Variants in THBS1 observed in about 807,000 individuals in gnomAD.
THBS1 encodes thrombospondin 1.
THBS1 carries 29 observed loss-of-function variants against 126.1 expected under a neutral mutation model. The observed-to-expected ratio is 0.23, with a 90% confidence interval of 0.17 to 0.31. The LOEUF (loss-of-function observed/expected upper bound fraction) is 0.31, where lower values mean the gene tolerates loss of function less well. Among genes scored for constraint, THBS1 ranks in the 10% least tolerant of loss-of-function variants. The pLI, the probability that THBS1 is intolerant of heterozygous loss-of-function variation, is 1.00. For synonymous variants in THBS1, 496 were observed against 577.8 expected, an observed-to-expected ratio of 0.86 and a Z score of 2.03; for missense variants, 1,198 against 1,545.2, an observed-to-expected ratio of 0.78 and a Z score of 3.77.
At chr15:39,581,595 G>A in intron 1 of THBS1, 1 of 423,394 alleles carries the variant, frequency 2.4e-6, no homozygotes, top group East Asian at 3.7e-5. Context: ...CAAATTGTTG[G>A]TCTTGCGCCC....
Position 39,589,446 on chromosome 15 carries a change from C to T in THBS1, c.1926+92C>T. The stretch of plus-strand genomic sequence containing the variant: ...GGGAGGAATGTAATTTCATACCCTT[C>T]ACCAAAAAAAAAAGGGCGAGGAGAT... On this transcript the variant is annotated intron_variant, in intron 12 of 21. Coordinates refer to ENST00000260356, the MANE Select transcript of THBS1 (RefSeq NM_003246.4). The surrounding 1 kb of genome is among the most constrained non-coding windows in gnomAD (Gnocchi z 4.7). 1 of 1,463,510 alleles carries T rather than the reference C, an allele frequency of 6.8e-7. No homozygotes were observed. The highest frequency in any genetic ancestry group is 9.2e-7 in the Non-Finnish European group (1 of 1,092,584). The allele number at this position is 1,463,510 out of a possible 1,614,324, so 90.7% of individuals were successfully genotyped here. A position where few individuals can be genotyped will look rare whatever the true frequency, so the allele number is the denominator to read the frequency against.
chr15:39,585,813 C>T lies in THBS1; in HGVS notation c.1120+250C>T, dbSNP rs111652442. On this transcript the variant is annotated intron_variant, in intron 7 of 21. Transcript: ENST00000260356. ...AAGATCTTGGTATAGCTCATTAATT[C>T]TGATTTTTTGCTTTGAGGAAAAGAG... Among the ~76,000 whole-genome samples the T allele has an allele frequency of 7.9e-4, 120 of 152,008 alleles. No individual in the cohort carries two copies. The Middle Eastern group carries it at 0.01, about 13-fold the overall frequency.
intron 6 of THBS1, among the ~76,000 whole-genome samples, chr15:39,585,179 GTTTGTTGGTTCCTCTGCTATAAA>G (rs1363296215): frequency 6.6e-6 from 1 of 152,188 alleles, no homozygotes; most frequent in African/African-American, 2.4e-5. Context: ...GACCCATGAT[GTTTGTTGGTTCCTCTGCTATAAA>G]TTCTTTGTAC....
rs3138595 is a variant in THBS1, at chr15:39,581,639, CCTCTCT to C, written c.-29-166_-29-161del. ...TTAAAACCAGCATCTCTTTCCTCCA[CCTCTCT>C]CTCTCTCTCTCTCTCTCTCTCTCAT... On this transcript the variant is annotated intron_variant, in intron 1 of 21. Coordinates refer to ENST00000260356, the MANE Select transcript of THBS1 (RefSeq NM_003246.4). 584 of 365,588 alleles carry C rather than the reference CCTCTCT, an allele frequency of 1.6e-3. 2 individuals carry two copies. The highest frequency in any genetic ancestry group is 7.0e-3 in the African/African-American group (257 of 36,518). The allele number at this position is 365,588 out of a possible 1,614,324, so 22.6% of individuals were successfully genotyped here. A position where few individuals can be genotyped will look rare whatever the true frequency, so the allele number is the denominator to read the frequency against.
At position 39,598,934 on chromosome 15, in the gene THBS1, A is replaced by C. The variant is rs1200262329; in HGVS notation, c.*3565A>C. 5 of 148,986 alleles carry C rather than the reference A, an allele frequency of 3.4e-5. No homozygotes were observed. Among genetic ancestry groups the C allele is most frequent in the Admixed American group, 6.7e-5 (1 of 14,958 alleles). The allele number at this position is 148,986 out of a possible 1,614,324, so 9.2% of individuals were successfully genotyped here. Reference sequence around the variant, plus strand: ...TCTTCTATAATTTCTTTTTCTTTTTATTTTTGAGATGAAGTCTTGCTCTGT... The same window carrying C: ...TCTTCTATAATTTCTTTTTCTTTTTCTTTTTGAGATGAAGTCTTGCTCTGT... On this transcript the variant is annotated 3_prime_UTR_variant, in exon 22 of 22. Transcript: ENST00000260356.
In THBS1 at chr15:39,593,308, T is replaced by G. The variant is rs1890366603; in HGVS notation, c.2995+81T>G. The G allele has an allele frequency of 1.9e-6, 3 of 1,611,240 alleles. No homozygotes were observed. The Admixed American group carries it at 5.0e-5, about 27-fold the overall frequency. On this transcript the variant is annotated intron_variant, in intron 18 of 21. Coordinates refer to ENST00000260356, the MANE Select transcript of THBS1 (RefSeq NM_003246.4). The surrounding 1 kb of genome is among the most constrained non-coding windows in gnomAD (Gnocchi z 5.9). ...ATATAAAACCTGGCAGTTGTACCTATCCCTGTGGGTGCTGAGGATGTCTAG... is the reference window on the plus strand; with the variant it reads ...ATATAAAACCTGGCAGTTGTACCTAGCCCTGTGGGTGCTGAGGATGTCTAG...
rs557143602 is a variant in THBS1, at chr15:39,582,461, C to T, written c.336C>T (p.His112=). 1.9e-6 allele frequency: 3 copies of T among 1,614,208 alleles called. No homozygotes were observed. Among genetic ancestry groups the T allele is most frequent in the East Asian group, 2.2e-5 (1 of 44,886 alleles). The change falls in exon 3 of 22, where the codon CAC becomes CAT. Residue 112 remains histidine, a synonymous_variant. Coordinates refer to ENST00000260356, the MANE Select transcript of THBS1 (RefSeq NM_003246.4). ...TGCTGGCCCTGGAGCGGAAAGACCACTCTGGCCAGGTCTTCAGCGTGGTGT... is the reference window on the plus strand; with the variant it reads ...TGCTGGCCCTGGAGCGGAAAGACCATTCTGGCCAGGTCTTCAGCGTGGTGT... ...GTLLALERKD[H]SGQVFSVVSN...
rs767002060 is a variant in THBS1 at position 39,595,726 on chromosome 15, A to C, written c.*357A>C. The C allele has an allele frequency of 5.2e-5, 26 of 501,544 alleles. No homozygotes were observed. The highest frequency in any genetic ancestry group is 6.0e-4 in the Middle Eastern group (2 of 3,326). 31.1% of individuals were successfully genotyped at this position (501,544 alleles called of 1,614,324 possible). On this transcript the variant is annotated 3_prime_UTR_variant, in exon 22 of 22. Transcript: ENST00000260356. The stretch of plus-strand genomic sequence containing the variant: ...GCCATCTCTGAGCAGTGGACTCAAA[A>C]GCATTTTCAGGCATGTCAGAGAAGG...
At chr15:39,590,871 C>T in intron 14 of THBS1, 1 of 538,958 alleles carries the variant, frequency 1.9e-6, no homozygotes, top group East Asian at 3.3e-5. Context: ...AATGCATAAA[C>T]AAATGCCACT....
chr15:39,591,147 T>C lies in THBS1; in HGVS notation c.2254-44T>C, dbSNP rs765003727. The C allele has an allele frequency of 6.9e-6, 11 of 1,598,008 alleles. No homozygotes were observed. The East Asian group carries it at 2.2e-4, about 33-fold the overall frequency. ...CACATGGTTTGAGGCTTGAGCTGTT[T>C]TCAAGGACAACATTGTTAAGTGCTC... is the stretch of plus-strand genomic sequence containing the variant. On this transcript the variant is annotated intron_variant, in intron 14 of 21. Transcript: ENST00000260356.
At position 39,593,749 on chromosome 15, in the gene THBS1, T is replaced by G. The variant is rs113351842; in HGVS notation, c.3267+81T>G. The G allele has an allele frequency of 6.5e-7, 1 of 1,548,466 alleles. No homozygotes were observed. On this transcript the variant is annotated intron_variant, in intron 19 of 21. Coordinates refer to ENST00000260356, the MANE Select transcript of THBS1 (RefSeq NM_003246.4). The surrounding 1 kb of genome is among the most constrained non-coding windows in gnomAD (Gnocchi z 5.9). ...GGGGATGCTGTGCTTTGACCAAGAC[T>G]CTGACCAGGGAGTCTTAGAAAGTTC...
At chr15:39,583,912 G>A (rs1009019543) in intron 4 of THBS1, 76 bp from the exon 5 acceptor site, 40 of 1,550,104 alleles carry the variant, frequency 2.6e-5, no homozygotes, top group East Asian at 2.6e-4. Flanking sequence ...CAAATGAAAC[G>A]TCTTCTACCA....
rs1419653849 is a variant in THBS1, at chr15:39,582,522, A to T, written c.397A>T (p.Thr133Ser). The change falls in exon 3 of 22, where the codon ACC (threonine) becomes TCC (serine). Residue 133 changes from threonine to serine, a missense_variant. Thr to Ser is a moderately conservative substitution (Grantham distance 58). Transcript: ENST00000260356. Reference sequence around the variant, plus strand: ...GGCGGGCACCCTGGACCTCAGCCTGACCGTCCAAGGAAAGCAGCACGTGGT... The same window carrying T: ...GGCGGGCACCCTGGACCTCAGCCTGTCCGTCCAAGGAAAGCAGCACGTGGT... ...GKAGTLDLSL[T>S]VQGKQHVVSV... 6.2e-7 allele frequency: 1 copy of T among 1,614,086 alleles called. No individual in the cohort carries two copies. Among genetic ancestry groups the T allele is most frequent in the Admixed American group, 1.7e-5 (1 of 60,026 alleles).
At chr15:39,587,317 G>T (rs369342745) in intron 7 of THBS1, 30 bp from the exon 8 acceptor site, 2 of 1,596,578 alleles carry the variant, frequency 1.3e-6, no homozygotes, top group Non-Finnish European at 1.7e-6. Context: ...TAATCATCAC[G>T]TACCTGATGA....
At chr15:39,586,909 C>G (rs1890218641) in intron 7 of THBS1, 1 of 156,250 alleles carries the variant, frequency 6.4e-6, no homozygotes, top group Non-Finnish European at 1.4e-5. Context: ...CACATCATGA[C>G]CTGGGATAAA....
chr15:39,583,838 T>C (rs748523025), intron 4 of THBS1, 146 bp downstream of exon 4: 12 of 1,181,546 alleles, frequency 1.0e-5, no homozygotes, highest in Non-Finnish European at 1.4e-5. Flanking sequence ...CCAAGGGGTA[T>C]TATACACACA....
chr15:39,581,733 T>C, intron 1 of THBS1, 96 bp from the exon 2 acceptor site: 1 of 688,300 alleles, frequency 1.5e-6, no homozygotes, highest in South Asian at 1.8e-5. Flanking sequence ...AGAGGGATGG[T>C]CCCGGCCCTG....
chr15:39,581,676 C>CTCTCTCTCTCTCTCTCT, intron 1 of THBS1, 153 bp from the exon 2 acceptor site: 1 of 539,694 alleles, frequency 1.9e-6, no homozygotes, highest in African/African-American at 1.9e-5. Context: ...CTCATGCTCT[C>CTCTCTCTCTCTCTCTCT]TGGAAAGTAA....
At position 39,598,582 on chromosome 15, in the gene THBS1, A is replaced by C. The variant is rs920725466; in HGVS notation, c.*3213A>C. ...GAAAATACCAAGATAAGACAGAAAAAGTGACTGGAAAGAGGAGCTTTTCTT... is the reference window on the plus strand; with the variant it reads ...GAAAATACCAAGATAAGACAGAAAACGTGACTGGAAAGAGGAGCTTTTCTT... On this transcript the variant is annotated 3_prime_UTR_variant, in exon 22 of 22. Coordinates refer to ENST00000260356, the MANE Select transcript of THBS1 (RefSeq NM_003246.4). 1.6e-4 allele frequency: 24 copies of C among 152,222 alleles called. No homozygotes were observed. Among genetic ancestry groups the C allele is most frequent in the African/African-American group, 5.5e-4 (23 of 41,466 alleles). 9.4% of individuals were successfully genotyped at this position (152,222 alleles called of 1,614,324 possible). A position where few individuals can be genotyped will look rare whatever the true frequency, so the allele number is the denominator to read the frequency against.
Sources: allele counts gnomAD v4.1 joint callset (sites outside exome capture counted in the v4.1 genomes callset), GRCh38; gene constraint gnomAD v4.1.1; non-coding constraint Gnocchi (gnomAD v3.1); transcripts MANE v1.5; gene names NCBI Gene and HGNC (gene_info 2026-07-23, HGNC 2026-07-21).